EYS: variants seen among roughly 807,000 people sequenced by gnomAD.
EYS encodes the protein protein eyes shut homolog.
Under a neutral mutation model 282.1 loss-of-function variants are expected in EYS, and 250 were observed. The observed-to-expected ratio is 0.89, with a 90% CI of 0.80 to 0.98. EYS has a LOEUF of 0.98. Among genes scored for constraint, EYS ranks in the 50% least tolerant of loss-of-function variants. The pLI, the probability that EYS is intolerant of heterozygous loss-of-function variation, is 0.00. For missense variants in EYS, 4,016 were observed against 3,709.0 expected, an observed-to-expected ratio of 1.08 and a Z score of -2.15; for synonymous variants, 1,355 against 1,282.9, an observed-to-expected ratio of 1.06 and a Z score of -1.20.
chr6:64,095,869 G>A (rs1772587825), intron 31 of EYS, among the ~76,000 whole-genome samples: 1 of 152,132 alleles, frequency 6.6e-6, no homozygotes, highest in East Asian at 1.9e-4. Context: ...TTACAATTTG[G>A]CATGTTTTTG....
At chr6:64,463,547 T>G (rs964290359) in intron 26 of EYS, among the ~76,000 whole-genome samples, 4 of 152,210 alleles carry the variant, frequency 2.6e-5, no homozygotes. Flanking sequence ...AATGGGAGAC[T>G]TTGAATATTT....
At chr6:64,895,449 G>C (rs769059808) in intron 18 of EYS, among the ~76,000 whole-genome samples, 3 of 152,100 alleles carry the variant, frequency 2.0e-5, no homozygotes, top group Non-Finnish European at 4.4e-5. Flanking sequence ...AAAATTGCTT[G>C]TTTGAATGTA....
At chr6:64,817,934 A>G (rs1189479445) in intron 21 of EYS, among the ~76,000 whole-genome samples, 1 of 152,128 alleles carries the variant, frequency 6.6e-6, no homozygotes, top group African/African-American at 2.4e-5. Flanking sequence ...AACTTACATG[A>G]GTCCTTGCTT....
chr6:64,182,181 T>A (rs1468003919), intron 31 of EYS, among the ~76,000 whole-genome samples: 2 of 152,314 alleles, frequency 1.3e-5, no homozygotes, highest in South Asian at 4.1e-4. Context: ...AATTTCCTGT[T>A]TTTATTAAGA....
chr6:63,983,894 G>A (rs986808066), intron 35 of EYS, among the ~76,000 whole-genome samples: 3 of 151,570 alleles, frequency 2.0e-5, no homozygotes, highest in African/African-American at 7.2e-5. Flanking sequence ...GAAGAAAAAA[G>A]GATATAGGAT....
chr6:64,470,367 G>A (rs9359943), intron 26 of EYS, among the ~76,000 whole-genome samples: 48,151 of 151,964 alleles, frequency 0.32, 7,719 homozygotes, highest in East Asian at 0.5. Flanking sequence ...AACAATCAGG[G>A]AAACAGTTGA....
chr6:64,994,643 G>GT (rs1465099422), intron 14 of EYS, among the ~76,000 whole-genome samples: 1 of 151,912 alleles, frequency 6.6e-6, no homozygotes, highest in African/African-American at 2.4e-5. Context: ...CACATTTTAT[G>GT]TTTTTTCTTT....
chr6:65,007,937 C>A (rs1470398282), intron 13 of EYS, among the ~76,000 whole-genome samples: 1 of 152,172 alleles, frequency 6.6e-6, no homozygotes. Context: ...CAGACACTAA[C>A]CCCAAATGAG....
chr6:64,563,187 G>A (rs940168904), intron 26 of EYS, among the ~76,000 whole-genome samples: 5 of 151,956 alleles, frequency 3.3e-5, no homozygotes. Context: ...GACCACCTAA[G>A]TTCTCACATT....
At chr6:65,602,558 T>C (rs1000953264) in intron 2 of EYS, among the ~76,000 whole-genome samples, 18 of 151,990 alleles carry the variant, frequency 1.2e-4, no homozygotes, top group African/African-American at 4.1e-4. Context: ...CAGACACTGT[T>C]CTTGGAAGCA....
At chr6:64,699,466 A>T (rs1052013693) in intron 22 of EYS, among the ~76,000 whole-genome samples, 1 of 152,080 alleles carries the variant, frequency 6.6e-6, no homozygotes, top group Non-Finnish European at 1.5e-5. Context: ...ATGTACCCCC[A>T]AACTTAAAAT....
At chr6:64,088,844 C>T (rs755421929) in intron 31 of EYS, among the ~76,000 whole-genome samples, 8 of 151,914 alleles carry the variant, frequency 5.3e-5, no homozygotes, top group Non-Finnish European at 1.2e-4. Context: ...GTCTACAGCA[C>T]AAATCCCCTT....
chr6:65,514,636 C>T (rs1394937044), intron 2 of EYS, among the ~76,000 whole-genome samples: 1 of 152,144 alleles, frequency 6.6e-6, no homozygotes, highest in Non-Finnish European at 1.5e-5. Context: ...AATAATGCCG[C>T]ATATCTACAA....
At chr6:64,596,145 G>A (rs1766579678) in intron 24 of EYS, among the ~76,000 whole-genome samples, 1 of 152,008 alleles carries the variant, frequency 6.6e-6, no homozygotes, top group South Asian at 2.1e-4. Context: ...ACCAACTACT[G>A]CAACACCAGC....
intron 22 of EYS, among the ~76,000 whole-genome samples, chr6:64,755,516 AC>A (rs1772907476): frequency 6.6e-6 from 1 of 151,478 alleles, no homozygotes; most frequent in Admixed American, 6.6e-5. Context: ...ACACACACAC[AC>A]ACACACACAC....
intron 14 of EYS, among the ~76,000 whole-genome samples, chr6:64,979,980 G>C (rs1770598307): frequency 6.6e-6 from 1 of 151,594 alleles, no homozygotes; most frequent in South Asian, 2.1e-4. Context: ...AATCCTTGGA[G>C]ACACTACCAA....
intron 2 of EYS, among the ~76,000 whole-genome samples, chr6:65,548,039 C>G (rs1768457825): frequency 1.3e-5 from 2 of 152,106 alleles, no homozygotes; most frequent in Non-Finnish European, 2.9e-5. Context: ...AAACTTTAGT[C>G]AGACTTCTCT....
intron 26 of EYS, among the ~76,000 whole-genome samples, chr6:64,531,395 T>G (rs869097118): frequency 4.8e-4 from 13 of 26,996 alleles, no homozygotes; most frequent in African/African-American, 3.6e-3. Context: ...TGTTTTTTGT[T>G]TTTTTTTTTT....
At chr6:65,364,233 A>G (rs539555052) in intron 8 of EYS, among the ~76,000 whole-genome samples, 5 of 137,368 alleles carry the variant, frequency 3.6e-5, no homozygotes, top group Non-Finnish European at 7.8e-5. Flanking sequence ...ACTAAAAAAT[A>G]AAATCAACTA....
Sources: gnomAD v4.1 joint callset for allele counts (sites outside exome capture counted in the v4.1 genomes callset) on GRCh38, gnomAD v4.1.1 for gene constraint, MANE v1.5 for transcripts, NCBI Gene and HGNC (gene_info 2026-07-23, HGNC 2026-07-21) for gene names.